Variants in BRINP3 observed in about 807,000 individuals in gnomAD.
The protein encoded by BRINP3 is BMP/retinoic acid-inducible neural-specific protein 3.
BRINP3 carries 19 observed loss-of-function variants against 71.0 expected under a neutral mutation model. The ratio of observed to expected loss-of-function variants is 0.27; its 90% CI spans 0.19 to 0.39. BRINP3 has a LOEUF of 0.39. Ranked by LOEUF, BRINP3 falls within the 10% of genes least tolerant of loss-of-function variation. The pLI, the probability that BRINP3 is intolerant of heterozygous loss-of-function variation, is 1.00. For missense variants in BRINP3, 959 were observed against 940.8 expected (o/e 1.02, Z -0.25); for synonymous variants, 380 against 337.7 (o/e 1.13, Z -1.37).
At chr1:190,370,065 A>C (rs1472366595) in intron 2 of BRINP3, among the ~76,000 whole-genome samples, 1 of 152,162 alleles carries the variant, frequency 6.6e-6, no homozygotes, top group East Asian at 1.9e-4. Context: ...TCAGTGAAGA[A>C]ATTGAAGAAG....
intron 2 of BRINP3, among the ~76,000 whole-genome samples, chr1:190,378,590 T>C (rs1202967778): frequency 1.3e-5 from 2 of 152,236 alleles, no homozygotes; most frequent in East Asian, 1.9e-4. Flanking sequence ...TAATTTATCT[T>C]TTTAAAGGTT....
intron 2 of BRINP3, among the ~76,000 whole-genome samples, chr1:190,285,975 G>A (rs773316524): frequency 2.6e-5 from 4 of 152,078 alleles, no homozygotes; most frequent in Non-Finnish European, 4.4e-5. Context: ...TTCACAGAAC[G>A]TAACTATCTT....
At chr1:190,465,441 AG>A (rs1245231589) in intron 1 of BRINP3, among the ~76,000 whole-genome samples, 1 of 151,920 alleles carries the variant, frequency 6.6e-6, no homozygotes, top group African/African-American at 2.4e-5. Flanking sequence ...GTCCAATTTT[AG>A]CAAGAATCCT....
chr1:190,397,824 G>T (rs1264008301), intron 2 of BRINP3, among the ~76,000 whole-genome samples: 7 of 151,614 alleles, frequency 4.6e-5, no homozygotes, highest in Admixed American at 2.6e-4. Flanking sequence ...AAATCATAAA[G>T]AATTTTAATG....
chr1:190,228,207 C>T (rs944657517), intron 5 of BRINP3, among the ~76,000 whole-genome samples: 1 of 151,450 alleles, frequency 6.6e-6, no homozygotes, highest in Admixed American at 6.6e-5. Flanking sequence ...TCAGATACAC[C>T]TAGTGATTTT....
At chr1:190,311,199 G>A (rs1199024586) in intron 2 of BRINP3, among the ~76,000 whole-genome samples, 5 of 151,526 alleles carry the variant, frequency 3.3e-5, no homozygotes, top group East Asian at 3.9e-4. Flanking sequence ...TGAAAAAGTA[G>A]AACATTTATT....
At chr1:190,285,441 C>G (rs898587181) in intron 2 of BRINP3, among the ~76,000 whole-genome samples, 3 of 151,958 alleles carry the variant, frequency 2.0e-5, no homozygotes, top group African/African-American at 7.3e-5. Context: ...ACAGGATGAA[C>G]AAGTGAATGA....
At chr1:190,337,678 A>G (rs147003058) in intron 2 of BRINP3, among the ~76,000 whole-genome samples, 193 of 152,114 alleles carry the variant, frequency 1.3e-3, no homozygotes, top group African/African-American at 4.4e-3. Flanking sequence ...CAGCTTCCCT[A>G]CTTTTGAGGT....
intron 6 of BRINP3, among the ~76,000 whole-genome samples, chr1:190,209,942 T>C (rs1655842844): frequency 6.6e-6 from 1 of 152,146 alleles, no homozygotes; most frequent in Admixed American, 6.6e-5. Context: ...TGAAAATGAA[T>C]GTGTACTTGG....
At chr1:190,365,895 C>A (rs1365102739) in intron 2 of BRINP3, among the ~76,000 whole-genome samples, 1 of 145,090 alleles carries the variant, frequency 6.9e-6, no homozygotes, top group Non-Finnish European at 1.5e-5. Flanking sequence ...GAAAAAATAT[C>A]TTTAAGAAAT....
intron 2 of BRINP3, among the ~76,000 whole-genome samples, chr1:190,339,324 A>G (rs1667499653): frequency 6.6e-6 from 1 of 152,000 alleles, no homozygotes; most frequent in African/African-American, 2.4e-5. Flanking sequence ...CTAGAAAAAA[A>G]CAAAGTCAGA....
At chr1:190,162,609 T>C (rs866074806) in intron 6 of BRINP3, among the ~76,000 whole-genome samples, 3 of 152,224 alleles carry the variant, frequency 2.0e-5, no homozygotes, top group Non-Finnish European at 2.9e-5. Context: ...CTCATTTCAT[T>C]GTCATCTTTA....
intron 2 of BRINP3, among the ~76,000 whole-genome samples, chr1:190,433,844 A>G (rs1042159872): frequency 6.6e-6 from 1 of 152,180 alleles, no homozygotes; most frequent in Non-Finnish European, 1.5e-5. Context: ...TTTGCCACTT[A>G]TAAAGGTGAG....
Position 190,098,869 on chromosome 1 carries a change from G to A in BRINP3, c.1450C>T (p.His484Tyr), listed in dbSNP as rs1351854439. Residue 484 changes from histidine (H) to tyrosine (Y), a missense_variant, in exon 8 of 8, where the codon CAC (histidine) becomes TAC (tyrosine). His to Tyr is a moderately conservative substitution (Grantham distance 83, BLOSUM62 2). Coordinates refer to ENST00000367462, the MANE Select transcript of BRINP3 (RefSeq NM_199051.3). ...CKPEVAESTD[H>Y]YIGFETDLQD... is the part of the protein sequence containing the mutation. The stretch of plus-strand genomic sequence containing the variant: ...AGGTCAGTTTCAAAGCCAATATAGT[G>A]ATCGGTGGACTCGGCGACTTCAGGC... 1.9e-6 allele frequency: 3 copies of A among 1,614,216 alleles called. No homozygotes were observed. The highest frequency in any genetic ancestry group is 2.2e-5 in the South Asian group (2 of 91,088).
chr1:190,387,478 T>A (rs752607607), intron 2 of BRINP3, among the ~76,000 whole-genome samples: 13 of 151,916 alleles, frequency 8.6e-5, no homozygotes, highest in Admixed American at 2.0e-4. Context: ...GGTCACTGTT[T>A]AATTTTGCAT....
chr1:190,138,157 T>G (rs1655130868), intron 7 of BRINP3, among the ~76,000 whole-genome samples: 1 of 152,096 alleles, frequency 6.6e-6, no homozygotes, highest in African/African-American at 2.4e-5. Flanking sequence ...TTTCTCCATG[T>G]TGGTCAGTCT....
At chr1:190,197,021 G>A (rs1169660218) in intron 6 of BRINP3, among the ~76,000 whole-genome samples, 1 of 151,678 alleles carries the variant, frequency 6.6e-6, no homozygotes, top group Non-Finnish European at 1.5e-5. Context: ...GAGCGACCTG[G>A]CAATTTATAA....
chr1:190,352,582 C>T (rs1234481031), intron 2 of BRINP3, among the ~76,000 whole-genome samples: 1 of 151,710 alleles, frequency 6.6e-6, no homozygotes, highest in African/African-American at 2.4e-5. Flanking sequence ...TCATATTTTC[C>T]TACTTATAAT....
intron 1 of BRINP3, among the ~76,000 whole-genome samples, chr1:190,458,583 T>C (rs960777352): frequency 5.1e-4 from 78 of 152,154 alleles, no homozygotes; most frequent in African/African-American, 1.9e-3. Context: ...ATTACCTTAA[T>C]TGGTTGCTTT....
Sources: allele counts gnomAD v4.1 joint callset (sites outside exome capture counted in the v4.1 genomes callset), GRCh38; gene constraint gnomAD v4.1.1; transcripts MANE v1.5; gene names NCBI Gene and HGNC (gene_info 2026-07-23, HGNC 2026-07-21).